CDIN1: variants seen among roughly 807,000 people sequenced by gnomAD.
CDIN1 encodes the protein CDAN1-interacting nuclease 1.
In CDIN1, 33 loss-of-function variants were observed where a neutral mutation model predicts 45.3. That is an observed-to-expected ratio of 0.73 (90% CI 0.55 to 0.97). The LOEUF (loss-of-function observed/expected upper bound fraction) is 0.97, where lower values mean the gene tolerates loss of function less well. Among genes scored for constraint, CDIN1 ranks in the 50% least tolerant of loss-of-function variants. CDIN1 has a pLI of 0.00. For missense variants in CDIN1, 303 were observed against 339.4 expected (o/e 0.89, Z 0.84); for synonymous variants, 118 against 124.4 (o/e 0.95, Z 0.34).
At chr15:36,614,617 T>G (rs1020004401) in intron 1 of CDIN1, among the ~76,000 whole-genome samples, 19 of 152,042 alleles carry the variant, frequency 1.2e-4, no homozygotes, top group Admixed American at 2.6e-4. Context: ...CATATTCCCC[T>G]CTCCATAGAG....
At chr15:36,732,566 A>C (rs2043870259) in intron 10 of CDIN1, among the ~76,000 whole-genome samples, 2 of 152,120 alleles carry the variant, frequency 1.3e-5, no homozygotes, top group Non-Finnish European at 2.9e-5. Context: ...AAAATATGTA[A>C]GGGTAGATTG....
In CDIN1 at chr15:36,718,830, T is replaced by C. The variant is rs927572732; in HGVS notation, c.716+8869T>C. On this transcript the variant is annotated intron_variant, in intron 10 of 10. Transcript: ENST00000566621. ...TTGTATGCTTTTTTTTTTTTTTTTTTTTTTTGCTTTTGCTTCATACAAAAG... is the reference window on the plus strand; with the variant it reads ...TTGTATGCTTTTTTTTTTTTTTTTTCTTTTTGCTTTTGCTTCATACAAAAG... Among the ~76,000 whole-genome samples, 21 of 148,480 alleles carry C rather than the reference T, an allele frequency of 1.4e-4. 1 individual carries two copies. The highest frequency in any genetic ancestry group is 3.4e-4 in the Admixed American group (5 of 14,862).
At chr15:36,749,639 A>C (rs1343015002) in intron 10 of CDIN1, among the ~76,000 whole-genome samples, 3 of 152,256 alleles carry the variant, frequency 2.0e-5, no homozygotes, top group Non-Finnish European at 4.4e-5. Context: ...CTATTGCATC[A>C]GTAATTGAAC....
intron 10 of CDIN1, among the ~76,000 whole-genome samples, chr15:36,767,811 A>G (rs1257783046): frequency 1.3e-5 from 2 of 152,216 alleles, no homozygotes; most frequent in African/African-American, 4.8e-5. Context: ...CAGACAGTAT[A>G]GGTGACATCT....
At chr15:36,738,472 G>A (rs940183697) in intron 10 of CDIN1, among the ~76,000 whole-genome samples, 1 of 151,976 alleles carries the variant, frequency 6.6e-6, no homozygotes, top group African/African-American at 2.4e-5. Flanking sequence ...CAGCCTTCAT[G>A]GCCCTAGATC....
chr15:36,700,881 C>G (rs112207685), intron 8 of CDIN1, among the ~76,000 whole-genome samples: 1 of 151,860 alleles, frequency 6.6e-6, no homozygotes, highest in East Asian at 1.9e-4. Flanking sequence ...CAAGACCAGC[C>G]TGGGCAATAT....
chr15:36,595,290 T>TTATAATATAATATAA (rs36228170), intron 1 of CDIN1, among the ~76,000 whole-genome samples: 2,327 of 141,380 alleles, frequency 0.016, 39 homozygotes, highest in South Asian at 0.034. Context: ...TACACTTACA[T>TTATAATATAATATAA]TATAATATAA....
At chr15:36,675,171 C>A (rs1232450996) in intron 5 of CDIN1, among the ~76,000 whole-genome samples, 1 of 152,068 alleles carries the variant, frequency 6.6e-6, no homozygotes, top group Non-Finnish European at 1.5e-5. Context: ...GGTTCATATT[C>A]ATTTTTATTG....
intron 10 of CDIN1, among the ~76,000 whole-genome samples, chr15:36,729,298 A>G (rs985396813): frequency 1.3e-5 from 2 of 152,176 alleles, no homozygotes; most frequent in Non-Finnish European, 1.5e-5. Flanking sequence ...TTGGAAAAAA[A>G]TGATATTTTA....
At chr15:36,592,338 A>T (rs2037616650) in intron 1 of CDIN1, among the ~76,000 whole-genome samples, 3 of 152,212 alleles carry the variant, frequency 2.0e-5, no homozygotes, top group Admixed American at 2.0e-4. Context: ...TTTACACCAC[A>T]GAAATTGGCA....
At position 36,618,405 on chromosome 15, in the gene CDIN1, T is replaced by G. The variant is rs1176382099; in HGVS notation, c.102-25873T>G. 4.1e-6 allele frequency: 3 copies of G among 728,372 alleles called. No individual in the cohort carries two copies. In the African/African-American group the frequency reaches 5.3e-5, roughly 13 times the overall value. The allele number at this position is 728,372 out of a possible 1,614,324, so 45.1% of individuals were successfully genotyped here. Reference sequence around the variant, plus strand: ...TTTGCAGATGGAACAAAATGGGGACTATGGTAGGGGCAGGAGAACTCTTTT... The same window carrying G: ...TTTGCAGATGGAACAAAATGGGGACGATGGTAGGGGCAGGAGAACTCTTTT... On this transcript the variant is annotated intron_variant, in intron 1 of 10. Transcript: ENST00000566621.
chr15:36,726,287 C>T (rs1295335084), intron 10 of CDIN1, among the ~76,000 whole-genome samples: 1 of 152,146 alleles, frequency 6.6e-6, no homozygotes, highest in Non-Finnish European at 1.5e-5. Flanking sequence ...GGAGCTAATG[C>T]CCACTATCAG....
Position 36,809,211 on chromosome 15 carries a change from T to A in CDIN1, c.*758T>A, listed in dbSNP as rs941140755. On this transcript the variant is annotated 3_prime_UTR_variant, in exon 11 of 11. Transcript: ENST00000566621. ...ATTGTGCCTGGAAACCACACTCCTT[T>A]AGATTGGGGGCCGAGAGGCGACAAC... 1 of 280,334 alleles carries A rather than the reference T, an allele frequency of 3.6e-6. No homozygotes were observed. Among genetic ancestry groups the A allele is most frequent in the Non-Finnish European group, 7.1e-6 (1 of 141,532 alleles). 17.4% of individuals were successfully genotyped at this position (280,334 alleles called of 1,614,324 possible).
At chr15:36,633,237 A>G (rs1171159953) in intron 1 of CDIN1, among the ~76,000 whole-genome samples, 1 of 152,192 alleles carries the variant, frequency 6.6e-6, no homozygotes, top group Non-Finnish European at 1.5e-5. Context: ...CACAAATGAC[A>G]TATTCCAATA....
chr15:36,688,223 G>A (rs1262036286), intron 5 of CDIN1, among the ~76,000 whole-genome samples: 1 of 151,140 alleles, frequency 6.6e-6, no homozygotes, highest in Non-Finnish European at 1.5e-5. Context: ...GAAAATATTA[G>A]TAAAACTAAC....
chr15:36,705,368 G>A (rs1212937756), intron 8 of CDIN1: 1 of 152,074 alleles, frequency 6.6e-6, no homozygotes, highest in Non-Finnish European at 1.5e-5. Flanking sequence ...CTTCCAAGAT[G>A]AAAATAAATT....
intron 3 of CDIN1, among the ~76,000 whole-genome samples, chr15:36,649,034 G>A (rs926704079): frequency 5.9e-5 from 9 of 152,088 alleles, no homozygotes; most frequent in African/African-American, 2.2e-4. Context: ...ATCTTTTCTG[G>A]AAACTTTAAT....
intron 1 of CDIN1, among the ~76,000 whole-genome samples, chr15:36,588,902 T>C (rs2037434375): frequency 6.6e-6 from 1 of 152,168 alleles, no homozygotes; most frequent in Non-Finnish European, 1.5e-5. Flanking sequence ...ATAATGTTAT[T>C]CTAAGAAGAA....
intron 1 of CDIN1, chr15:36,613,988 C>G: frequency 6.6e-7 from 1 of 1,518,346 alleles, no homozygotes; most frequent in Non-Finnish European, 9.1e-7. Context: ...TGTCTGAGTG[C>G]TGCTGAAGAA....
Sources: gnomAD v4.1 joint callset for allele counts (sites outside exome capture counted in the v4.1 genomes callset) on GRCh38, gnomAD v4.1.1 for gene constraint, MANE v1.5 for transcripts, NCBI Gene and HGNC (gene_info 2026-07-23, HGNC 2026-07-21) for gene names.